The following GAS7 variants were observed in gnomAD, a reference collection of about 807,000 sequenced individuals.
GAS7 encodes growth arrest-specific protein 7.
GAS7 carries 28 observed loss-of-function variants against 71.1 expected under a neutral mutation model. The ratio of observed to expected loss-of-function variants is 0.39; its 90% CI spans 0.29 to 0.54. The LOEUF (loss-of-function observed/expected upper bound fraction) is 0.54, where lower values mean the gene tolerates loss of function less well. Ranked by LOEUF, GAS7 falls within the 20% of genes least tolerant of loss-of-function variation. The pLI, the probability that GAS7 is intolerant of heterozygous loss-of-function variation, is 0.62. For synonymous variants in GAS7, 258 were observed against 245.8 expected (o/e 1.05, Z -0.46); for missense variants, 436 against 627.8 (o/e 0.69, Z 3.27).
Position 9,934,259 on chromosome 17 carries a change from C to T in GAS7, c.807-15G>A. 6.3e-7 allele frequency: 1 copy of T among 1,576,032 alleles called. No individual in the cohort carries two copies. Among genetic ancestry groups the T allele is most frequent in the South Asian group, 1.1e-5 (1 of 89,420 alleles). ...CTCCCAAGGAGCTGCAACACAAAGA[C>T]CATGAGACTCAGGTCACAAGCCAAA... is the stretch of plus-strand genomic sequence containing the variant. On this transcript the variant is annotated splice_polypyrimidine_tract_variant and intron_variant, in intron 8 of 13. Transcript: ENST00000432992.
intron 1 of GAS7, among the ~76,000 whole-genome samples, chr17:10,093,548 G>A (rs1452464229): frequency 2.7e-5 from 2 of 72,880 alleles, no homozygotes; most frequent in African/African-American, 1.3e-4. Flanking sequence ...GTGAGACTCC[G>A]TCTCAAAAAA....
chr17:10,003,053 G>A (rs972903352), intron 2 of GAS7, among the ~76,000 whole-genome samples: 8 of 152,194 alleles, frequency 5.3e-5, no homozygotes, highest in African/African-American at 1.4e-4. Flanking sequence ...CACATTCCCA[G>A]GCACTGGCGA....
intron 1 of GAS7, among the ~76,000 whole-genome samples, chr17:10,137,821 G>A (rs535539744): frequency 1.3e-5 from 2 of 152,208 alleles, no homozygotes; most frequent in East Asian, 3.9e-4. Flanking sequence ...GATTACAAGC[G>A]TGAGCTACCG....
chr17:10,091,531 G>C (rs966364019), intron 1 of GAS7, among the ~76,000 whole-genome samples: 4 of 152,050 alleles, frequency 2.6e-5, no homozygotes, highest in African/African-American at 9.7e-5. Flanking sequence ...GGGACTACGG[G>C]TGCCCACCAC....
chr17:10,111,612 A>G (rs2073814763), intron 1 of GAS7, among the ~76,000 whole-genome samples: 2 of 152,054 alleles, frequency 1.3e-5, no homozygotes, highest in African/African-American at 2.4e-5. Flanking sequence ...TGAACCCAGG[A>G]GGCAGAGGGT....
intron 2 of GAS7, among the ~76,000 whole-genome samples, chr17:10,007,539 C>G (rs964941626): frequency 2.7e-5 from 4 of 148,850 alleles, no homozygotes; most frequent in South Asian, 4.3e-4. Context: ...CAGGAGAAAT[C>G]CCTTAGAACC....
chr17:10,112,309 A>G (rs911569712), intron 1 of GAS7, among the ~76,000 whole-genome samples: 4 of 152,238 alleles, frequency 2.6e-5, no homozygotes, highest in Admixed American at 6.5e-5. Flanking sequence ...AAAAGACTCT[A>G]TCTTTGGAAA....
At chr17:10,014,785 T>C (rs1335534717) in intron 2 of GAS7, among the ~76,000 whole-genome samples, 3 of 152,180 alleles carry the variant, frequency 2.0e-5, no homozygotes, top group Non-Finnish European at 2.9e-5. Flanking sequence ...AGTTTGATTT[T>C]GGATCCCCAG....
intron 1 of GAS7, among the ~76,000 whole-genome samples, chr17:10,175,804 A>AT (rs1455696970): frequency 6.6e-6 from 1 of 152,196 alleles, no homozygotes; most frequent in Non-Finnish European, 1.5e-5. Context: ...CTGGCCATGC[A>AT]TTTTAACTTA....
chr17:9,983,318 C>T (rs905276766), intron 2 of GAS7, among the ~76,000 whole-genome samples: 5 of 152,072 alleles, frequency 3.3e-5, no homozygotes, highest in African/African-American at 1.2e-4. Flanking sequence ...TGGTGAAACC[C>T]CATCTCCACC....
At chr17:10,105,231 C>T (rs1238557386) in intron 1 of GAS7, among the ~76,000 whole-genome samples, 5 of 152,158 alleles carry the variant, frequency 3.3e-5, no homozygotes, top group African/African-American at 4.8e-5. Context: ...AGCACCTGCC[C>T]TGCTTTTAGG....
At chr17:10,078,282 G>C (rs765116889) in intron 1 of GAS7, among the ~76,000 whole-genome samples, 1 of 151,948 alleles carries the variant, frequency 6.6e-6, no homozygotes, top group Admixed American at 6.6e-5. Context: ...AGTACAGATG[G>C]GGTTTTGCCA....
rs74489486 is a variant in GAS7 at position 10,124,066 on chromosome 17, C to T, written c.183+74142G>A. Among the ~76,000 whole-genome samples the T allele has an allele frequency of 9.4e-3, 1,430 of 152,322 alleles. 30 individuals are homozygous for T. The highest frequency in any genetic ancestry group is 0.033 in the African/African-American group (1,370 of 41,578). On this transcript the variant is annotated intron_variant, in intron 1 of 13. Coordinates refer to ENST00000432992, the MANE Select transcript of GAS7 (RefSeq NM_201433.2). The stretch of plus-strand genomic sequence containing the variant: ...GCACAGTCGTGCTCTATTCTTATCT[C>T]AAGGGGGAATGTGTGACTCTCCTTC...
At chr17:10,006,682 ATT>A (rs368337032) in intron 2 of GAS7, among the ~76,000 whole-genome samples, 6,245 of 151,220 alleles carry the variant, frequency 0.041, 199 homozygotes, top group African/African-American at 0.078. Context: ...GTGCATGCGT[ATT>A]TTTTTTTAAT....
intron 1 of GAS7, among the ~76,000 whole-genome samples, chr17:10,046,530 G>A (rs538390057): frequency 2.6e-5 from 4 of 151,924 alleles, no homozygotes; most frequent in African/African-American, 7.3e-5. Flanking sequence ...GAGGTCAGGA[G>A]TTCCAGACCA....
chr17:9,970,827 C>T (rs1010620888), intron 3 of GAS7, among the ~76,000 whole-genome samples: 11 of 152,156 alleles, frequency 7.2e-5, no homozygotes, highest in Admixed American at 1.3e-4. Flanking sequence ...CCAGCATGGA[C>T]GGTTTCAAGC....
chr17:9,926,988 G>A lies in GAS7; in HGVS notation c.886-219C>T, dbSNP rs763104171. 1.3e-4 allele frequency: 72 copies of A among 547,592 alleles called. No individual in the cohort carries two copies. In the Middle Eastern group the frequency reaches 3.3e-3, roughly 25 times the overall value. The allele number at this position is 547,592 out of a possible 1,614,324, so 33.9% of individuals were successfully genotyped here. A position where few individuals can be genotyped will look rare whatever the true frequency, so the allele number is the denominator to read the frequency against. ...CTTAGCTCAGGAGGCCCCCACACAC[G>A]TCTACAGGATAAGTGGTTAGCAACT... On this transcript the variant is annotated intron_variant, in intron 9 of 13. Transcript: ENST00000432992. The surrounding 1 kb of genome is among the most constrained non-coding windows in gnomAD (Gnocchi z 5.0).
Position 10,015,885 on chromosome 17 carries a change from A to C in GAS7, c.304+3892T>G, listed in dbSNP as rs188290188. ...AGGGTCTCTCTGTGACATGCTCTTA[A>C]AACACCCTGGACTCCTGCTTCACAA... On this transcript the variant is annotated intron_variant, in intron 2 of 13. Coordinates refer to ENST00000432992, the MANE Select transcript of GAS7 (RefSeq NM_201433.2). Among the ~76,000 whole-genome samples the C allele has an allele frequency of 8.2e-3, 1,254 of 152,152 alleles. 11 individuals carry two copies. Among genetic ancestry groups the C allele is most frequent in the Non-Finnish European group, 0.014 (936 of 68,014 alleles).
At chr17:9,965,988 C>T (rs2069693560) in intron 4 of GAS7, among the ~76,000 whole-genome samples, 1 of 150,928 alleles carries the variant, frequency 6.6e-6, no homozygotes, top group Admixed American at 6.7e-5. Context: ...ACACCCACCC[C>T]CCAAAATTCT....
Sources: gnomAD v4.1 joint callset for allele counts (sites outside exome capture counted in the v4.1 genomes callset) on GRCh38, gnomAD v4.1.1 for gene constraint, Gnocchi (gnomAD v3.1) non-coding constraint, MANE v1.5 for transcripts, NCBI Gene and HGNC (gene_info 2026-07-23, HGNC 2026-07-21) for gene names.